THRB: variants seen among roughly 807,000 people sequenced by gnomAD.
The protein encoded by THRB is nuclear receptor subfamily 1 group A member 2.
A neutral mutation model predicts 47.8 loss-of-function variants in THRB; 12 were observed. The observed-to-expected ratio is 0.25, with a 90% confidence interval of 0.16 to 0.41. THRB has a LOEUF of 0.41. Ranked by LOEUF, THRB falls within the 10% of genes least tolerant of loss-of-function variation. The pLI is 1.00. For missense variants in THRB, 348 were observed against 589.2 expected (o/e 0.59, Z 4.24); for synonymous variants, 218 against 212.2 (o/e 1.03, Z -0.24).
chr3:24,306,820 A>G lies in THRB; in HGVS notation c.-188-9449T>C, dbSNP rs553179780. Among the ~76,000 whole-genome samples the G allele has an allele frequency of 3.3e-5, 5 of 152,328 alleles. No individual in the cohort carries two copies. The South Asian group carries it at 8.3e-4, about 25-fold the overall frequency. ...GATGAAACTTCTCAAGAGAGCTAAA[A>G]TCTATCTGGATGTAAACAGTTGTCT... On this transcript the variant is annotated intron_variant, in intron 2 of 10. Coordinates refer to ENST00000646209, the MANE Select transcript of THRB (RefSeq NM_001354712.2).
At chr3:24,163,094 T>C (rs2149261920) in intron 5 of THRB, among the ~76,000 whole-genome samples, 1 of 152,292 alleles carries the variant, frequency 6.6e-6, no homozygotes, top group East Asian at 1.9e-4. Flanking sequence ...ACACTACTGA[T>C]GTCATTCAAC....
At chr3:24,371,289 A>C (rs891177949) in intron 1 of THRB, among the ~76,000 whole-genome samples, 2 of 152,136 alleles carry the variant, frequency 1.3e-5, no homozygotes, top group African/African-American at 4.8e-5. Context: ...TCTAGAACCT[A>C]GGTAACATCA....
At chr3:24,261,520 C>CAAAAAAAAAA (rs1207008580) in intron 3 of THRB, among the ~76,000 whole-genome samples, 1 of 119,556 alleles carries the variant, frequency 8.4e-6, no homozygotes, top group African/African-American at 4.0e-5. Flanking sequence ...AAAAAAAAAC[C>CAAAAAAAAAA]AAAAAAAACT....
At position 24,207,732 on chromosome 3, in the gene THRB, G is replaced by C. The variant is rs144600083; in HGVS notation, c.23-17398C>G. Among the ~76,000 whole-genome samples the C allele has an allele frequency of 1.2e-3, 188 of 152,204 alleles. 1 individual carries two copies. Among genetic ancestry groups the C allele is most frequent in the East Asian group, 2.5e-3 (13 of 5,172 alleles). On this transcript the variant is annotated intron_variant, in intron 4 of 10. Transcript: ENST00000646209. The stretch of plus-strand genomic sequence containing the variant: ...CAGCTATCTATGACAAACCCACAGC[G>C]AATATCATACTGAATGGGCAAAAAC...
intron 1 of THRB, among the ~76,000 whole-genome samples, chr3:24,361,193 G>C (rs1200063584): frequency 6.6e-6 from 1 of 152,182 alleles, no homozygotes; most frequent in Non-Finnish European, 1.5e-5. Context: ...GCATACACTT[G>C]TAAAGGGATA....
At chr3:24,284,152 G>C (rs1384002033) in intron 3 of THRB, among the ~76,000 whole-genome samples, 1 of 148,640 alleles carries the variant, frequency 6.7e-6, no homozygotes, top group Non-Finnish European at 1.5e-5. Context: ...AACAAAGCTG[G>C]AGGCATCACA....
At chr3:24,222,871 G>A (rs2047296084) in intron 4 of THRB, among the ~76,000 whole-genome samples, 1 of 152,182 alleles carries the variant, frequency 6.6e-6, no homozygotes, top group Admixed American at 6.5e-5. Flanking sequence ...AATGTGTATA[G>A]ATGGCTGTAT....
intron 1 of THRB, among the ~76,000 whole-genome samples, chr3:24,430,529 T>TAAAATATATATAAATATAAATATAA (rs2070278343): frequency 6.6e-6 from 1 of 152,094 alleles, no homozygotes; most frequent in South Asian, 2.1e-4. Flanking sequence ...AATATAAATT[T>TAAAATATATATAAATATAAATATAA]ATTACCACTG....
intron 1 of THRB, among the ~76,000 whole-genome samples, chr3:24,397,397 C>T (rs1379998708): frequency 6.6e-6 from 1 of 152,078 alleles, no homozygotes; most frequent in Non-Finnish European, 1.5e-5. Flanking sequence ...AAACCAGACT[C>T]ATAACATAAA....
chr3:24,131,688 C>A (rs2033882462), intron 9 of THRB, among the ~76,000 whole-genome samples: 1 of 152,166 alleles, frequency 6.6e-6, no homozygotes, highest in Non-Finnish European at 1.5e-5. Flanking sequence ...CCAAAGATCT[C>A]CCTTGTCCTG....
At chr3:24,443,647 A>G (rs1468663806) in intron 1 of THRB, among the ~76,000 whole-genome samples, 3 of 152,192 alleles carry the variant, frequency 2.0e-5, no homozygotes, top group African/African-American at 2.4e-5. Context: ...AAAGATGATT[A>G]AATATTAGGA....
intron 2 of THRB, among the ~76,000 whole-genome samples, chr3:24,310,296 A>C (rs1406835441): frequency 6.6e-6 from 1 of 152,236 alleles, no homozygotes; most frequent in African/African-American, 2.4e-5. Flanking sequence ...ACGATTTACC[A>C]ATAACCTTTG....
At chr3:24,463,166 G>C (rs890293947) in intron 1 of THRB, among the ~76,000 whole-genome samples, 3 of 152,170 alleles carry the variant, frequency 2.0e-5, no homozygotes, top group African/African-American at 4.8e-5. Flanking sequence ...GAGTGTTAAG[G>C]GATTAAGATT....
chr3:24,346,929 T>C (rs552314380), intron 1 of THRB, among the ~76,000 whole-genome samples: 92 of 151,646 alleles, frequency 6.1e-4, no homozygotes, highest in African/African-American at 2.2e-3. Flanking sequence ...TTTGACCTAA[T>C]TGATTTATAA....
chr3:24,160,340 C>A (rs953618786), intron 5 of THRB, among the ~76,000 whole-genome samples: 1 of 152,112 alleles, frequency 6.6e-6, no homozygotes, highest in African/African-American at 2.4e-5. Context: ...AACCTTGAGA[C>A]GGAGCCCTGT....
intron 6 of THRB, among the ~76,000 whole-genome samples, chr3:24,149,371 C>T (rs1370728485): frequency 6.6e-6 from 1 of 152,134 alleles, no homozygotes; most frequent in East Asian, 1.9e-4. Flanking sequence ...CCTTGTCTCC[C>T]TCATACTCTG....
intron 2 of THRB, among the ~76,000 whole-genome samples, chr3:24,310,017 T>G (rs563140414): frequency 2.0e-4 from 31 of 152,200 alleles, no homozygotes; most frequent in Non-Finnish European, 4.0e-4. Context: ...CCAAAGCTAC[T>G]GAGTACGGGG....
At chr3:24,281,288 T>G in intron 3 of THRB, among the ~76,000 whole-genome samples, 1 of 151,818 alleles carries the variant, frequency 6.6e-6, no homozygotes, top group Non-Finnish European at 1.5e-5. Context: ...ATATTCAACA[T>G]TCTTAAAGAA....
At chr3:24,190,915 T>C (rs917043709) in intron 4 of THRB, among the ~76,000 whole-genome samples, 38 of 149,506 alleles carry the variant, frequency 2.5e-4, no homozygotes, top group African/African-American at 9.4e-4. Flanking sequence ...ATCTTACAAA[T>C]AGAAGTTTTG....
Sources: gnomAD v4.1 joint callset for allele counts (sites outside exome capture counted in the v4.1 genomes callset) on GRCh38, gnomAD v4.1.1 for gene constraint, MANE v1.5 for transcripts, NCBI Gene and HGNC (gene_info 2026-07-23, HGNC 2026-07-21) for gene names.